The following C12orf42 variants were observed in gnomAD, a reference collection of about 807,000 sequenced individuals.
C12orf42 encodes uncharacterized protein C12orf42.
In C12orf42, 25 loss-of-function variants were observed where a neutral mutation model predicts 21.6. That is an observed-to-expected ratio of 1.16 (90% CI 0.84 to 1.62). C12orf42 has a LOEUF of 1.62. Among genes scored for constraint, C12orf42 ranks in the 40% most tolerant of loss-of-function variants. C12orf42 has a pLI of 0.00. For missense variants in C12orf42, 483 were observed against 459.3 expected (o/e 1.05, Z -0.47); for synonymous variants, 174 against 175.0 (o/e 0.99, Z 0.05).
the C12orf42 span, among the ~76,000 whole-genome samples, chr12:103,093,677 T>C: frequency 1.3e-5 from 2 of 152,188 alleles, no homozygotes; most frequent in Non-Finnish European, 2.9e-5. Flanking sequence ...GACATCATCC[T>C]TAACCAAGCC....
chr12:103,390,176 T>C (rs1279872179), intron 3 of C12orf42, among the ~76,000 whole-genome samples: 1 of 152,182 alleles, frequency 6.6e-6, no homozygotes, highest in Admixed American at 6.5e-5. Flanking sequence ...CCCTTAGTCA[T>C]GGTTGCATCC....
At chr12:103,535,523 G>T in the C12orf42 span, among the ~76,000 whole-genome samples, 1 of 151,896 alleles carries the variant, frequency 6.6e-6, no homozygotes, top group Non-Finnish European at 1.5e-5. Flanking sequence ...AGCCTTGTGT[G>T]CCAGGCTAAG....
At chr12:103,557,823 A>C in the C12orf42 span, 1 of 152,234 alleles carries the variant, frequency 6.6e-6, no homozygotes. Context: ...TTGCTAAAGC[A>C]CTAAGCTGGA....
chr12:103,489,752 G>A (rs1955070588), intron 1 of C12orf42, among the ~76,000 whole-genome samples: 2 of 152,224 alleles, frequency 1.3e-5, no homozygotes, highest in South Asian at 2.1e-4. Context: ...GGGACCCACT[G>A]AGCCAGGCAC....
At chr12:103,478,508 GA>G in intron 1 of C12orf42, 61 bp from the exon 2 acceptor site, 3 of 689,302 alleles carry the variant, frequency 4.4e-6, no homozygotes, top group Non-Finnish European at 4.5e-6. Flanking sequence ...TAATATTAGA[GA>G]AAAAAATGAC....
chr12:103,491,448 C>T (rs1282042258), intron 1 of C12orf42, among the ~76,000 whole-genome samples: 1 of 152,146 alleles, frequency 6.6e-6, no homozygotes, highest in African/African-American at 2.4e-5. Context: ...TAGAAACAAA[C>T]ACTCCTTGCC....
chr12:103,329,607 G>T (rs574857819), intron 4 of C12orf42, among the ~76,000 whole-genome samples: 1 of 148,332 alleles, frequency 6.7e-6, no homozygotes, highest in Middle Eastern at 3.2e-3. Flanking sequence ...ATATGGACTC[G>T]GGCCTGCTTA....
intron 2 of C12orf42, among the ~76,000 whole-genome samples, chr12:103,432,124 G>C (rs540920134): frequency 6.6e-6 from 1 of 152,218 alleles, no homozygotes; most frequent in African/African-American, 2.4e-5. Flanking sequence ...GTTTACTGGA[G>C]TTGTACACAT....
the C12orf42 span, among the ~76,000 whole-genome samples, chr12:103,194,336 G>C: frequency 2.6e-5 from 4 of 152,008 alleles, no homozygotes; most frequent in Non-Finnish European, 5.9e-5. Context: ...TTAGGCAAGA[G>C]AAAGAAATAA....
intron 2 of C12orf42, chr12:103,477,101 A>G (rs1466027069): frequency 6.6e-6 from 1 of 152,252 alleles, no homozygotes; most frequent in East Asian, 1.9e-4. Context: ...CTAGACCCTG[A>G]GTAACACAGG....
the C12orf42 span, among the ~76,000 whole-genome samples, chr12:103,110,158 A>G: frequency 6.6e-6 from 1 of 152,238 alleles, no homozygotes; most frequent in African/African-American, 2.4e-5. Flanking sequence ...AATAACCCAC[A>G]TGTCCATCAG....
At chr12:103,137,509 A>G in the C12orf42 span, among the ~76,000 whole-genome samples, 1 of 152,232 alleles carries the variant, frequency 6.6e-6, no homozygotes, top group Non-Finnish European at 1.5e-5. Flanking sequence ...CAGTCTCACT[A>G]CTGGACATTT....
At chr12:103,157,291 A>T in the C12orf42 span, among the ~76,000 whole-genome samples, 26 of 152,212 alleles carry the variant, frequency 1.7e-4, no homozygotes, top group South Asian at 3.3e-3. Context: ...GCGTCTGTTC[A>T]TATCCTTTGT....
At chr12:103,424,987 C>T (rs1376260486) in intron 2 of C12orf42, among the ~76,000 whole-genome samples, 1 of 152,158 alleles carries the variant, frequency 6.6e-6, no homozygotes, top group Non-Finnish European at 1.5e-5. Flanking sequence ...CTGGGAAACT[C>T]GAGCTTAGTG....
At chr12:103,164,122 G>A in the C12orf42 span, among the ~76,000 whole-genome samples, 67 of 152,286 alleles carry the variant, frequency 4.4e-4, no homozygotes, top group South Asian at 1.7e-3. Flanking sequence ...CCAATGTATC[G>A]TTTCTCTTCT....
the C12orf42 span, among the ~76,000 whole-genome samples, chr12:103,089,101 C>CAAAAAAAAAAAAAA: frequency 1.8e-5 from 1 of 54,846 alleles, no homozygotes; most frequent in Non-Finnish European, 3.1e-5. Flanking sequence ...GACTCCATCT[C>CAAAAAAAAAAAAAA]AAAAAAAAAA....
chr12:103,270,726 C>G (rs2035423712), intron 5 of C12orf42, among the ~76,000 whole-genome samples: 1 of 140,730 alleles, frequency 7.1e-6, no homozygotes, highest in Admixed American at 7.2e-5. Flanking sequence ...TATCCCTCCC[C>G]CCTCCCCCTA....
In C12orf42 at chr12:103,302,517, C is replaced by T. The variant is rs748522730; in HGVS notation, c.674G>A (p.Arg225Lys). 7.4e-6 allele frequency: 12 copies of T among 1,612,802 alleles called. No homozygotes were observed. The highest frequency in any genetic ancestry group is 1.0e-5 in the Non-Finnish European group (12 of 1,179,662). ...RPSTAIGLCRRSQTPGALQST... is the reference protein window; with the variant it reads ...RPSTAIGLCRKSQTPGALQST... Reference sequence around the variant, plus strand: ...CTGCAGAGCGCCGGGCGTCTGGCTCCTCCTGCAGAGGCCGATGGCAGTGGA... The same window carrying T: ...CTGCAGAGCGCCGGGCGTCTGGCTCTTCCTGCAGAGGCCGATGGCAGTGGA... Residue 225 changes from arginine to lysine, a missense_variant, in exon 6 of 6, where the codon AGG (arginine) becomes AAG (lysine). Physicochemically the swap from Arg to Lys is conservative, Grantham distance 26. Transcript: ENST00000548883.
intron 4 of C12orf42, among the ~76,000 whole-genome samples, chr12:103,281,475 G>C (rs1257937301): frequency 1.3e-5 from 2 of 151,814 alleles, no homozygotes; most frequent in African/African-American, 2.4e-5. Context: ...CCATTCTCCT[G>C]CCTCAGCCTC....
Sources: allele counts gnomAD v4.1 joint callset (sites outside exome capture counted in the v4.1 genomes callset), GRCh38; gene constraint gnomAD v4.1.1; transcripts MANE v1.5; gene names NCBI Gene and HGNC (gene_info 2026-07-23, HGNC 2026-07-21).